Variants in SLCO1C1 observed in about 807,000 individuals in gnomAD.
SLCO1C1 encodes the protein OAT-RP-5.
A neutral mutation model predicts 76.4 loss-of-function variants in SLCO1C1; 70 were observed. The observed-to-expected ratio is 0.92, with a 90% CI of 0.76 to 1.12. The LOEUF is 1.12. Among genes scored for constraint, SLCO1C1 ranks in the 50% most tolerant of loss-of-function variants. SLCO1C1 has a pLI of 0.00. For synonymous variants in SLCO1C1, 306 were observed against 286.1 expected, an observed-to-expected ratio of 1.07 and a Z score of -0.70; for missense variants, 912 against 823.8, an observed-to-expected ratio of 1.11 and a Z score of -1.31.
intron 12 of SLCO1C1, among the ~76,000 whole-genome samples, chr12:20,741,236 G>T (rs576154225): frequency 1.3e-5 from 2 of 152,192 alleles, no homozygotes; most frequent in South Asian, 4.1e-4. Context: ...TTACAATTTG[G>T]ATTACAATTC....
In SLCO1C1 at chr12:20,717,240, T is replaced by C. The variant is rs1366476602; in HGVS notation, c.775+10T>C. The C allele has an allele frequency of 6.4e-7, 1 of 1,568,980 alleles. No homozygotes were observed. The highest frequency in any genetic ancestry group is 2.3e-5 in the East Asian group (1 of 43,844). ...GGCTTTGTAAACCTAGGTAAGGAAGTTTATTTTTTATTTATTCATGTATTT... is the reference window on the plus strand; with the variant it reads ...GGCTTTGTAAACCTAGGTAAGGAAGCTTATTTTTTATTTATTCATGTATTT... On this transcript the variant is annotated intron_variant, in intron 7 of 14. Coordinates refer to ENST00000266509, the MANE Select transcript of SLCO1C1 (RefSeq NM_017435.5).
intron 4 of SLCO1C1, among the ~76,000 whole-genome samples, chr12:20,710,082 C>T (rs1946996921): frequency 6.6e-6 from 1 of 151,782 alleles, no homozygotes; most frequent in African/African-American, 2.4e-5. Flanking sequence ...GGTTCATGAA[C>T]CCATTGAGGT....
At chr12:20,724,224 A>T (rs113139979) in intron 9 of SLCO1C1, among the ~76,000 whole-genome samples, 52 of 151,810 alleles carry the variant, frequency 3.4e-4, no homozygotes, top group African/African-American at 1.2e-3. Flanking sequence ...CCAACACCCC[A>T]TGCATGCTAA....
At chr12:20,716,496 T>A (rs1226876079) in intron 6 of SLCO1C1, among the ~76,000 whole-genome samples, 1 of 152,226 alleles carries the variant, frequency 6.6e-6, no homozygotes, top group Non-Finnish European at 1.5e-5. Context: ...ATTGGAGATA[T>A]TTGGAAGGGA....
At position 20,752,738 on chromosome 12, in the gene SLCO1C1, A is replaced by G. The variant is rs963270208; in HGVS notation, c.*210A>G. ...TGATAAAACTAATTTTGAACTTTTT[A>G]ATTTATATAAATTATTTTATATCAC... On this transcript the variant is annotated 3_prime_UTR_variant, in exon 15 of 15. Transcript: ENST00000266509. The G allele has an allele frequency of 8.6e-6, 3 of 347,552 alleles. No homozygotes were observed. The highest frequency in any genetic ancestry group is 1.5e-5 in the Non-Finnish European group (3 of 195,928). 21.5% of individuals were successfully genotyped at this position (347,552 alleles called of 1,614,324 possible).
chr12:20,750,301 C>T (rs972505), intron 13 of SLCO1C1, among the ~76,000 whole-genome samples: 21 of 151,866 alleles, frequency 1.4e-4, no homozygotes, highest in African/African-American at 4.1e-4. Flanking sequence ...AGTATGATTC[C>T]GGGACAGATT....
intron 4 of SLCO1C1, among the ~76,000 whole-genome samples, chr12:20,710,637 G>C (rs1410152959): frequency 6.6e-6 from 1 of 152,128 alleles, no homozygotes; most frequent in Non-Finnish European, 1.5e-5. Flanking sequence ...GGTGGAATTA[G>C]AAGTAACTTG....
chr12:20,698,200 GTTT>G (rs951933584), intron 1 of SLCO1C1, among the ~76,000 whole-genome samples: 6 of 151,534 alleles, frequency 4.0e-5, no homozygotes, highest in Non-Finnish European at 8.8e-5. Context: ...TTATATCTTT[GTTT>G]TTTGTCTTGA....
intron 9 of SLCO1C1, among the ~76,000 whole-genome samples, chr12:20,725,481 TATAAAATTATTTATA>T (rs1359068195): frequency 6.8e-6 from 1 of 147,202 alleles, no homozygotes; most frequent in Non-Finnish European, 1.5e-5. Context: ...ATAATGCTAT[TATAAAATTATTTATA>T]ATAGTTAAAA....
intron 9 of SLCO1C1, among the ~76,000 whole-genome samples, chr12:20,732,011 C>T (rs184876375): frequency 1.3e-5 from 2 of 152,300 alleles, no homozygotes; most frequent in African/African-American, 4.8e-5. Context: ...TGCACAGCTA[C>T]TCAGTGGTGG....
intron 11 of SLCO1C1, 89 bp from the exon 12 acceptor site, chr12:20,740,095 A>G: frequency 7.9e-7 from 1 of 1,270,388 alleles, no homozygotes; most frequent in Non-Finnish European, 1.1e-6. Context: ...TACATAATGC[A>G]TGGCTACGGT....
chr12:20,721,060 G>A (rs1487322911), intron 7 of SLCO1C1, among the ~76,000 whole-genome samples: 2 of 145,032 alleles, frequency 1.4e-5, no homozygotes, highest in African/African-American at 5.1e-5. Flanking sequence ...GATGAACAAA[G>A]TGAATGGCTT....
chr12:20,750,832 C>T (rs762906411), intron 14 of SLCO1C1, 40 bp downstream of exon 14: 13 of 1,613,790 alleles, frequency 8.1e-6, no homozygotes, highest in Admixed American at 6.7e-5. Context: ...ATTGCTACAG[C>T]ATCCCAGATT....
intron 9 of SLCO1C1, among the ~76,000 whole-genome samples, chr12:20,729,005 T>C (rs2120804282): frequency 6.6e-6 from 1 of 152,356 alleles, no homozygotes; most frequent in East Asian, 1.9e-4. Flanking sequence ...TAGACGCTAG[T>C]GTAAATTAAT....
intron 4 of SLCO1C1, 117 bp from the exon 5 acceptor site, chr12:20,711,269 G>C: frequency 8.5e-7 from 1 of 1,173,222 alleles, no homozygotes; most frequent in Non-Finnish European, 1.2e-6. Flanking sequence ...TGGTGAATTA[G>C]GTTCAGAGAC....
chr12:20,743,195 G>A (rs1948898954), intron 12 of SLCO1C1, 110 bp from the exon 13 acceptor site: 4 of 1,002,198 alleles, frequency 4.0e-6, no homozygotes, highest in Non-Finnish European at 6.0e-6. Flanking sequence ...AACATAAATG[G>A]CACTTGAATT....
intron 3 of SLCO1C1, among the ~76,000 whole-genome samples, chr12:20,704,361 G>A (rs911621570): frequency 6.6e-6 from 1 of 151,628 alleles, no homozygotes; most frequent in Non-Finnish European, 1.5e-5. Flanking sequence ...GGTATTGGTG[G>A]AGTGTAGGCG....
At chr12:20,696,444 T>G (rs1359443081) in intron 1 of SLCO1C1, among the ~76,000 whole-genome samples, 1 of 152,082 alleles carries the variant, frequency 6.6e-6, no homozygotes, top group East Asian at 1.9e-4. Flanking sequence ...AGGGGTTGAG[T>G]ACATCTGCGG....
intron 9 of SLCO1C1, among the ~76,000 whole-genome samples, chr12:20,728,971 C>G (rs1185929061): frequency 6.6e-6 from 1 of 152,050 alleles, no homozygotes; most frequent in Non-Finnish European, 1.5e-5. Context: ...AAAGAAAACA[C>G]AGAAAATAAA....
Sources: allele counts gnomAD v4.1 joint callset (sites outside exome capture counted in the v4.1 genomes callset), GRCh38; gene constraint gnomAD v4.1.1; transcripts MANE v1.5; gene names NCBI Gene and HGNC (gene_info 2026-07-23, HGNC 2026-07-21).